Variants in DYNC2H1 observed in about 807,000 individuals in gnomAD.
DYNC2H1 encodes cytoplasmic dynein 2 heavy chain 1.
DYNC2H1 carries 410 observed loss-of-function variants against 570.0 expected under a neutral mutation model. The ratio of observed to expected loss-of-function variants is 0.72; its 90% CI spans 0.66 to 0.78. The LOEUF (loss-of-function observed/expected upper bound fraction) is 0.78. Ranked by LOEUF, DYNC2H1 falls within the 30% of genes least tolerant of loss-of-function variation. The pLI is 0.00. For synonymous variants in DYNC2H1, 1,688 were observed against 1,677.6 expected, an observed-to-expected ratio of 1.01 and a Z score of -0.15; for missense variants, 4,865 against 5,046.4, an observed-to-expected ratio of 0.96 and a Z score of 1.09.
intron 65 of DYNC2H1, among the ~76,000 whole-genome samples, chr11:103,246,799 G>A (rs1377141516): frequency 2.0e-5 from 3 of 151,954 alleles, no homozygotes; most frequent in Non-Finnish European, 4.4e-5. Context: ...AACAAAGTTT[G>A]TGCCAAGTTT....
intron 70 of DYNC2H1, among the ~76,000 whole-genome samples, chr11:103,272,887 T>A (rs555886073): frequency 6.6e-6 from 1 of 152,284 alleles, no homozygotes; most frequent in South Asian, 2.1e-4. Context: ...AGAGAGTTAT[T>A]CACTTGAGAT....
intron 83 of DYNC2H1, among the ~76,000 whole-genome samples, chr11:103,378,458 G>C (rs2408585): frequency 0.19 from 28,652 of 152,122 alleles, 2,919 homozygotes; most frequent in Admixed American, 0.27. Context: ...ATTAGGGTAA[G>C]CCTTTGGGAT....
In DYNC2H1 at chr11:103,152,120, T is replaced by TTG. The variant is rs766697143; in HGVS notation, c.2947-15_2947-14insGT. On this transcript the variant is annotated splice_polypyrimidine_tract_variant and intron_variant, in intron 20 of 88. Transcript: ENST00000375735. Reference sequence around the variant, plus strand: ...TAGGTTGTTATTCAATTTGTTTTTTTTTTTTTAACCTTTAGATTTTGCCCT... The same window carrying TTG: ...TAGGTTGTTATTCAATTTGTTTTTTTTGTTTTTTAACCTTTAGATTTTGCCCT... 7 of 1,576,016 alleles carry TTG rather than the reference T, an allele frequency of 4.4e-6. No homozygotes were observed. Among genetic ancestry groups the TTG allele is most frequent in the South Asian group, 1.2e-5 (1 of 83,378 alleles).
At position 103,465,238 on chromosome 11, in the gene DYNC2H1, G is replaced by GA. The variant is rs1382494331; in HGVS notation, c.12649-3345dup. Among the ~76,000 whole-genome samples, 2 of 152,034 alleles carry GA rather than the reference G, an allele frequency of 1.3e-5. No homozygotes were observed. The highest frequency in any genetic ancestry group is 2.9e-5 in the Non-Finnish European group (2 of 67,984). ...AATTAAGAGAGATTATCAGACTGGGGAAAAAATAAAATCCAGTTAAATGTT... is the reference window on the plus strand; with the variant it reads ...AATTAAGAGAGATTATCAGACTGGGGAAAAAAATAAAATCCAGTTAAATGTT... On this transcript the variant is annotated intron_variant, in intron 87 of 88. Coordinates refer to ENST00000375735, the MANE Select transcript of DYNC2H1 (RefSeq NM_001377.3). This position sits in a 1 kb window ranked among gnomAD's most constrained non-coding sequence, Gnocchi z 4.9.
chr11:103,208,588 T>C (rs747884302), intron 52 of DYNC2H1, among the ~76,000 whole-genome samples: 11 of 152,040 alleles, frequency 7.2e-5, no homozygotes, highest in Non-Finnish European at 1.0e-4. Flanking sequence ...AAAAGCCAGA[T>C]TGGGGACAGT....
At chr11:103,342,612 C>T (rs551759947) in intron 82 of DYNC2H1, among the ~76,000 whole-genome samples, 1 of 151,852 alleles carries the variant, frequency 6.6e-6, no homozygotes, top group Non-Finnish European at 1.5e-5. Flanking sequence ...AAGTGATTCT[C>T]CTGCCTCAGC....
At chr11:103,115,827 T>A (rs1858361823) in intron 4 of DYNC2H1, among the ~76,000 whole-genome samples, 1 of 152,152 alleles carries the variant, frequency 6.6e-6, no homozygotes, top group Admixed American at 6.5e-5. Context: ...AAATTACTTT[T>A]CTGCAGGTAT....
intron 84 of DYNC2H1, among the ~76,000 whole-genome samples, chr11:103,433,687 C>G (rs1306367229): frequency 1.3e-5 from 2 of 152,072 alleles, no homozygotes; most frequent in African/African-American, 2.4e-5. Context: ...CTCCCAGACT[C>G]CTCCACATGT....
At chr11:103,134,040 A>G (rs375952079) in intron 14 of DYNC2H1, among the ~76,000 whole-genome samples, 1 of 151,722 alleles carries the variant, frequency 6.6e-6, no homozygotes, top group East Asian at 1.9e-4. Flanking sequence ...CTTGTTTTTC[A>G]TGACTTTGAT....
chr11:103,436,889 C>T (rs1944083679), intron 85 of DYNC2H1, among the ~76,000 whole-genome samples: 1 of 152,090 alleles, frequency 6.6e-6, no homozygotes, highest in South Asian at 2.1e-4. Context: ...TTTCTAGCAC[C>T]TTCAGTATCC....
rs145378383 is a variant in DYNC2H1 at position 103,204,711 on chromosome 11, G to A, written c.8312-111G>A. On this transcript the variant is annotated intron_variant, in intron 51 of 88. Coordinates refer to ENST00000375735, the MANE Select transcript of DYNC2H1 (RefSeq NM_001377.3). The surrounding 1 kb of genome is among the most constrained non-coding windows in gnomAD (Gnocchi z 4.1). ...ATAACATAATATTGTTTTATATTGTGCTCGTTTTAAGAAACAACTCCTACT... is the reference window on the plus strand; with the variant it reads ...ATAACATAATATTGTTTTATATTGTACTCGTTTTAAGAAACAACTCCTACT... 2.6e-4 allele frequency: 189 copies of A among 713,488 alleles called. No individual in the cohort carries two copies. Among genetic ancestry groups the A allele is most frequent in the Admixed American group, 1.3e-3 (37 of 28,458 alleles). The allele number at this position is 713,488 out of a possible 1,614,324, so 44.2% of individuals were successfully genotyped here.
At chr11:103,454,889 C>A in intron 85 of DYNC2H1, 1 of 262,604 alleles carries the variant, frequency 3.8e-6, no homozygotes, top group Non-Finnish European at 7.2e-6. Context: ...ACTACAAGTG[C>A]TGGCCCAAAA....
chr11:103,356,997 C>G (rs1327962085), intron 82 of DYNC2H1, among the ~76,000 whole-genome samples: 2 of 151,992 alleles, frequency 1.3e-5, no homozygotes, highest in East Asian at 3.9e-4. Flanking sequence ...GAAGATATAT[C>G]TGGTTTTTTG....
chr11:103,415,468 C>A (rs529379337), intron 84 of DYNC2H1, among the ~76,000 whole-genome samples: 26 of 151,872 alleles, frequency 1.7e-4, no homozygotes, highest in African/African-American at 6.3e-4. Flanking sequence ...TCGTTAAAAA[C>A]CCCATCAAAA....
At chr11:103,158,887 T>G in intron 27 of DYNC2H1, 23 bp from the exon 28 acceptor site, 1 of 1,565,624 alleles carries the variant, frequency 6.4e-7, no homozygotes, top group Non-Finnish European at 8.7e-7. Context: ...AAGAAAGCTA[T>G]TTTTTGTTTC....
At chr11:103,413,665 C>T (rs187614383) in intron 84 of DYNC2H1, among the ~76,000 whole-genome samples, 6 of 152,208 alleles carry the variant, frequency 3.9e-5, no homozygotes, top group African/African-American at 1.4e-4. Flanking sequence ...TGCATATACT[C>T]ATCTTCAAAG....
At chr11:103,221,502 T>C (rs1040405289) in intron 57 of DYNC2H1, among the ~76,000 whole-genome samples, 1 of 152,208 alleles carries the variant, frequency 6.6e-6, no homozygotes, top group African/African-American at 2.4e-5. Flanking sequence ...TTCTTTCATA[T>C]CATTTCTTGT....
At chr11:103,168,655 A>G (rs1449067727) in intron 31 of DYNC2H1, 100 bp from the exon 32 acceptor site, 11 of 1,263,298 alleles carry the variant, frequency 8.7e-6, no homozygotes, top group Non-Finnish European at 1.2e-5. Flanking sequence ...TGAAATTACC[A>G]TTTAAATTCA....
chr11:103,442,208 T>G (rs963677210), intron 85 of DYNC2H1, among the ~76,000 whole-genome samples: 1 of 152,116 alleles, frequency 6.6e-6, no homozygotes, highest in African/African-American at 2.4e-5. Flanking sequence ...CAGCCACTGT[T>G]CTTAAGTCGT....
Sources: gnomAD v4.1 joint callset for allele counts (sites outside exome capture counted in the v4.1 genomes callset) on GRCh38, gnomAD v4.1.1 for gene constraint, Gnocchi (gnomAD v3.1) non-coding constraint, MANE v1.5 for transcripts, NCBI Gene and HGNC (gene_info 2026-07-23, HGNC 2026-07-21) for gene names.